PCED1B: variants seen among roughly 807,000 people sequenced by gnomAD.
PCED1B encodes the protein PC-esterase domain-containing protein 1B.
For synonymous variants in PCED1B, 251 were observed against 246.1 expected (o/e 1.02, Z -0.19); for missense variants, 573 against 573.9 (o/e 1.00, Z 0.02).
At chr12:47,212,928 C>T (rs1943137567) in intron 2 of PCED1B, among the ~76,000 whole-genome samples, 1 of 152,170 alleles carries the variant, frequency 6.6e-6, no homozygotes, top group Non-Finnish European at 1.5e-5. Context: ...ATGTTCTGAA[C>T]CACTAGGCTG....
intron 1 of PCED1B, among the ~76,000 whole-genome samples, chr12:47,082,750 A>G (rs1937803289): frequency 6.6e-6 from 1 of 152,176 alleles, no homozygotes; most frequent in Non-Finnish European, 1.5e-5. Flanking sequence ...ATGGGATGCA[A>G]TTATCTCAAG....
At chr12:47,132,737 G>A (rs555980605) in intron 2 of PCED1B, among the ~76,000 whole-genome samples, 41 of 152,312 alleles carry the variant, frequency 2.7e-4, no homozygotes, top group African/African-American at 9.1e-4. Flanking sequence ...GTGCAGCACT[G>A]GTACTGCAGT....
intron 2 of PCED1B, among the ~76,000 whole-genome samples, chr12:47,167,527 C>T (rs1330463452): frequency 6.6e-6 from 1 of 152,064 alleles, no homozygotes; most frequent in East Asian, 1.9e-4. Flanking sequence ...AGCCAGTTGT[C>T]TTTGAATCCT....
In PCED1B at chr12:47,228,180, G is replaced by A. The variant is rs773499845; in HGVS notation, c.-57-6827G>A. Among the ~76,000 whole-genome samples, 6 of 152,006 alleles carry A rather than the reference G, an allele frequency of 3.9e-5. No individual in the cohort carries two copies. In the East Asian group the frequency reaches 5.8e-4, roughly 15 times the overall value. On this transcript the variant is annotated intron_variant, in intron 3 of 3. Transcript: ENST00000546455. ...CTCCTAAGTAGCTGGGATTACAGGCGTGTGCCACTACACCCAGCTAATTTT... is the reference window on the plus strand; with the variant it reads ...CTCCTAAGTAGCTGGGATTACAGGCATGTGCCACTACACCCAGCTAATTTT...
intron 2 of PCED1B, among the ~76,000 whole-genome samples, chr12:47,107,005 C>A (rs946669060): frequency 2.0e-5 from 3 of 152,106 alleles, no homozygotes; most frequent in Non-Finnish European, 2.9e-5. Context: ...TGCAGATCGT[C>A]CCCTACCCCC....
At chr12:47,129,039 T>C (rs1177352840) in intron 2 of PCED1B, among the ~76,000 whole-genome samples, 1 of 152,210 alleles carries the variant, frequency 6.6e-6, no homozygotes, top group Non-Finnish European at 1.5e-5. Flanking sequence ...TCATTAAAAC[T>C]CAGCTGCTCT....
intron 2 of PCED1B, among the ~76,000 whole-genome samples, chr12:47,202,553 G>A (rs1942792947): frequency 8.4e-6 from 1 of 119,584 alleles, no homozygotes; most frequent in Non-Finnish European, 1.6e-5. Context: ...CTGATTCCCA[G>A]ATATTTGCCT....
At chr12:47,145,770 C>T (rs1374448686) in intron 2 of PCED1B, among the ~76,000 whole-genome samples, 1 of 152,188 alleles carries the variant, frequency 6.6e-6, no homozygotes, top group Non-Finnish European at 1.5e-5. Flanking sequence ...TACAATATTA[C>T]TGCTTATTGA....
At chr12:47,173,404 C>T (rs911011388) in intron 2 of PCED1B, among the ~76,000 whole-genome samples, 1 of 152,128 alleles carries the variant, frequency 6.6e-6, no homozygotes, top group Non-Finnish European at 1.5e-5. Context: ...GAAGCGCCCG[C>T]CACCACGCCC....
chr12:47,203,678 G>A (rs924632541), intron 2 of PCED1B, among the ~76,000 whole-genome samples: 1 of 152,212 alleles, frequency 6.6e-6, no homozygotes, highest in Non-Finnish European at 1.5e-5. Flanking sequence ...ATTCTGCAGT[G>A]TATATGAACC....
intron 2 of PCED1B, among the ~76,000 whole-genome samples, chr12:47,154,298 A>G (rs1382931778): frequency 1.3e-5 from 2 of 152,192 alleles, no homozygotes; most frequent in African/African-American, 4.8e-5. Context: ...AGTGTACTCT[A>G]TGACTTCCTT....
At chr12:47,181,565 C>T (rs150063685) in intron 2 of PCED1B, among the ~76,000 whole-genome samples, 2,146 of 151,946 alleles carry the variant, frequency 0.014, 65 homozygotes, top group African/African-American at 0.049. Flanking sequence ...CAGAGTTTCA[C>T]CATGTTGGCC....
At chr12:47,200,877 A>G (rs1942743311) in intron 2 of PCED1B, among the ~76,000 whole-genome samples, 1 of 152,274 alleles carries the variant, frequency 6.6e-6, no homozygotes, top group African/African-American at 2.4e-5. Context: ...TAAAAGACAC[A>G]GTTGTTCATT....
chr12:47,110,601 A>G (rs1592150945), intron 2 of PCED1B, among the ~76,000 whole-genome samples: 1 of 152,324 alleles, frequency 6.6e-6, no homozygotes, highest in Admixed American at 6.5e-5. Context: ...TAAAACTTTA[A>G]TTGCATGGCA....
intron 2 of PCED1B, among the ~76,000 whole-genome samples, chr12:47,192,241 C>T (rs532445988): frequency 8.5e-4 from 125 of 147,436 alleles, no homozygotes; most frequent in Non-Finnish European, 9.0e-4. Context: ...ACAGTAAATG[C>T]ATGTTGATTA....
intron 2 of PCED1B, among the ~76,000 whole-genome samples, chr12:47,137,024 G>A (rs1419324386): frequency 6.6e-6 from 1 of 152,072 alleles, no homozygotes; most frequent in Admixed American, 6.6e-5. Context: ...ACCTTGTTTT[G>A]CTAATTAAAA....
intron 2 of PCED1B, among the ~76,000 whole-genome samples, chr12:47,118,432 A>G: frequency 6.6e-6 from 1 of 152,186 alleles, no homozygotes. Flanking sequence ...TCCCAGCACC[A>G]TTTATTAAAT....
chr12:47,197,373 G>A (rs142390655), intron 2 of PCED1B, among the ~76,000 whole-genome samples: 6,465 of 151,496 alleles, frequency 0.043, 462 homozygotes, highest in African/African-American at 0.15. Flanking sequence ...TTGGGAGGCC[G>A]AGGAAGGTGG....
chr12:47,087,592 T>G (rs1048630053), intron 1 of PCED1B, among the ~76,000 whole-genome samples: 6 of 152,212 alleles, frequency 3.9e-5, no homozygotes, highest in African/African-American at 1.2e-4. Context: ...TAAGGTGGTA[T>G]AGAATTCAAT....
Sources: gnomAD v4.1 joint callset for allele counts (sites outside exome capture counted in the v4.1 genomes callset) on GRCh38, gnomAD v4.1.1 for gene constraint, MANE v1.5 for transcripts, NCBI Gene and HGNC (gene_info 2026-07-23, HGNC 2026-07-21) for gene names.